Variants in PTPN1 observed in about 807,000 individuals in gnomAD.
PTPN1 encodes protein tyrosine phosphatase non-receptor type 1, also known as tyrosine-protein phosphatase non-receptor type 1.
PTPN1 carries 12 observed loss-of-function variants against 59.9 expected under a neutral mutation model. The observed-to-expected ratio is 0.20, with a 90% CI of 0.13 to 0.32. The LOEUF (loss-of-function observed/expected upper bound fraction) is 0.32, where lower values mean the gene tolerates loss of function less well. Ranked by LOEUF, PTPN1 falls within the 10% of genes least tolerant of loss-of-function variation. The pLI is 1.00. For missense variants in PTPN1, 356 were observed against 549.2 expected, an observed-to-expected ratio of 0.65 and a Z score of 3.52; for synonymous variants, 178 against 203.6, an observed-to-expected ratio of 0.87 and a Z score of 1.07.
intron 1 of PTPN1, among the ~76,000 whole-genome samples, chr20:50,534,869 G>T (rs2082616925): frequency 6.6e-6 from 1 of 152,076 alleles, no homozygotes; most frequent in South Asian, 2.1e-4. Flanking sequence ...GGGGCTACAG[G>T]CTCTTGCTAC....
At chr20:50,564,914 A>G (rs1453763682) in intron 2 of PTPN1, 55 bp from the exon 3 acceptor site, 8 of 1,609,170 alleles carry the variant, frequency 5.0e-6, no homozygotes, top group Non-Finnish European at 6.8e-6. Flanking sequence ...GTGCACCTGT[A>G]TGTACACATT....
chr20:50,579,007 A>G (rs1161971837), intron 6 of PTPN1, among the ~76,000 whole-genome samples, 161 bp from the exon 7 acceptor site: 1 of 152,138 alleles, frequency 6.6e-6, no homozygotes, highest in East Asian at 1.9e-4. Context: ...TTCATGAGGG[A>G]CCTGTCCCCC....
intron 1 of PTPN1, among the ~76,000 whole-genome samples, chr20:50,545,758 G>A (rs2122757092): frequency 6.6e-6 from 1 of 152,200 alleles, no homozygotes; most frequent in Admixed American, 6.5e-5. Context: ...GCTCACACCT[G>A]TAATCCCAGC....
At chr20:50,558,988 GA>G (rs2082738502) in intron 1 of PTPN1, among the ~76,000 whole-genome samples, 1 of 151,800 alleles carries the variant, frequency 6.6e-6, no homozygotes, top group Admixed American at 6.6e-5. Flanking sequence ...GGAAAAGGGG[GA>G]GCATGGATGA....
At position 50,578,404 on chromosome 20, in the gene PTPN1, T is replaced by A. The variant is rs2082847632; in HGVS notation, c.493-16T>A. 6.3e-7 allele frequency: 1 copy of A among 1,596,970 alleles called. No homozygotes were observed. The highest frequency in any genetic ancestry group is 1.3e-5 in the African/African-American group (1 of 74,470). On this transcript the variant is annotated splice_polypyrimidine_tract_variant and intron_variant, in intron 5 of 9. Transcript: ENST00000371621. ...ATGATTCTTTTAGAATCATCATGAG[T>A]ATTTTTCTCTTTCAGACCCAAGAAA...
chr20:50,564,016 T>G (rs1330660562), intron 2 of PTPN1, among the ~76,000 whole-genome samples: 1 of 152,148 alleles, frequency 6.6e-6, no homozygotes, highest in Non-Finnish European at 1.5e-5. Context: ...CTTTGTGATA[T>G]GCTCTGAATT....
intron 1 of PTPN1, among the ~76,000 whole-genome samples, chr20:50,539,413 T>G (rs2082638912): frequency 6.6e-6 from 1 of 152,184 alleles, no homozygotes; most frequent in African/African-American, 2.4e-5. Flanking sequence ...CTTCTGTGAA[T>G]CAACAGTACA....
intron 1 of PTPN1, among the ~76,000 whole-genome samples, chr20:50,535,858 G>T (rs2082622101): frequency 6.6e-6 from 1 of 152,002 alleles, no homozygotes; most frequent in Non-Finnish European, 1.5e-5. Context: ...TAAACCATAT[G>T]TACTGGTCCC....
chr20:50,542,767 C>G (rs376132396), intron 1 of PTPN1, among the ~76,000 whole-genome samples: 1 of 152,168 alleles, frequency 6.6e-6, no homozygotes, highest in Non-Finnish European at 1.5e-5. Context: ...CAAAATTGAT[C>G]ATATGTTATT....
At chr20:50,510,712 A>T in intron 1 of PTPN1, 122 bp downstream of exon 1, 1 of 1,053,690 alleles carries the variant, frequency 9.5e-7, no homozygotes, top group Non-Finnish European at 1.3e-6. Context: ...CTGCTTGAGG[A>T]TTCGATGGGA....
intron 4 of PTPN1, chr20:50,572,810 C>A (rs1178761882): frequency 6.6e-6 from 1 of 152,208 alleles, no homozygotes; most frequent in Non-Finnish European, 1.5e-5. Context: ...GCTGCCACAC[C>A]CACTTTGGCT....
intron 1 of PTPN1, among the ~76,000 whole-genome samples, chr20:50,540,063 T>A (rs1038155365): frequency 1.3e-5 from 2 of 151,628 alleles, no homozygotes; most frequent in Admixed American, 1.3e-4. Context: ...TAAAAAAAAA[T>A]TTTTTTTTCG....
intron 1 of PTPN1, among the ~76,000 whole-genome samples, chr20:50,528,575 G>C (rs1373697935): frequency 6.6e-6 from 1 of 151,848 alleles, no homozygotes. Flanking sequence ...TTAGCCAGGC[G>C]TGGTGGCGGG....
At chr20:50,535,523 G>A (rs1439406551) in intron 1 of PTPN1, among the ~76,000 whole-genome samples, 1 of 152,076 alleles carries the variant, frequency 6.6e-6, no homozygotes, top group Non-Finnish European at 1.5e-5. Context: ...CCGTGACCAC[G>A]TTAACTTTGC....
chr20:50,510,641 C>G (rs1240784274), intron 1 of PTPN1, 51 bp downstream of exon 1: 4 of 1,535,202 alleles, frequency 2.6e-6, no homozygotes, highest in Non-Finnish European at 3.5e-6. Context: ...GCCGCTTGAA[C>G]ATCCCCTCAG....
At chr20:50,546,991 A>G (rs1485392554) in intron 1 of PTPN1, among the ~76,000 whole-genome samples, 1 of 152,150 alleles carries the variant, frequency 6.6e-6, no homozygotes. Context: ...AGTAGATTTA[A>G]TTTTTTAGAC....
rs554713192 is a variant in PTPN1 at position 50,526,281 on chromosome 20, A to G, written c.63+15691A>G. Among the ~76,000 whole-genome samples the G allele has an allele frequency of 4.6e-5, 7 of 152,036 alleles. No homozygotes were observed. The East Asian group carries it at 5.8e-4, about 13-fold the overall frequency. On this transcript the variant is annotated intron_variant, in intron 1 of 9. Transcript: ENST00000371621. ...TTTGGTGGGGTACAGGGTCTTAACT[A>G]TGTTGTCCAGGCTGGTCTTGAACTC...
chr20:50,548,297 G>A (rs1405642916), intron 1 of PTPN1, among the ~76,000 whole-genome samples: 1 of 151,798 alleles, frequency 6.6e-6, no homozygotes, highest in Non-Finnish European at 1.5e-5. Flanking sequence ...TTATTTCCAG[G>A]ATTTCTCATT....
chr20:50,580,690 T>A (rs1412897817), intron 8 of PTPN1, among the ~76,000 whole-genome samples: 1 of 152,194 alleles, frequency 6.6e-6, no homozygotes, highest in Non-Finnish European at 1.5e-5. Flanking sequence ...ACCCAGCAGT[T>A]GTATACATGG....
Sources: allele counts gnomAD v4.1 joint callset (sites outside exome capture counted in the v4.1 genomes callset), GRCh38; gene constraint gnomAD v4.1.1; transcripts MANE v1.5; gene names NCBI Gene and HGNC (gene_info 2026-07-23, HGNC 2026-07-21).